PIGR: variants seen among roughly 807,000 people sequenced by gnomAD.
The protein encoded by PIGR is hepatocellular carcinoma associated protein TB6.
In PIGR, 22 loss-of-function variants were observed where a neutral mutation model predicts 69.5. That is an observed-to-expected ratio of 0.32 (90% CI 0.23 to 0.45). PIGR has a LOEUF of 0.45. PIGR is among the 20% of genes least tolerant of loss of function. The probability of loss-of-function intolerance (pLI) is 1.00; values close to 1 mark genes in which losing one functional copy is unlikely to be tolerated. For synonymous variants in PIGR, 413 were observed against 407.6 expected, an observed-to-expected ratio of 1.01 and a Z score of -0.16; for missense variants, 885 against 974.0, an observed-to-expected ratio of 0.91 and a Z score of 1.22.
chr1:206,936,674 C>T (rs565929881), intron 4 of PIGR, among the ~76,000 whole-genome samples: 133 of 152,154 alleles, frequency 8.7e-4, no homozygotes, highest in Middle Eastern at 3.4e-3. Context: ...CTCCTGGGAA[C>T]GCATTGAGAC....
In PIGR at chr1:206,930,267, A is replaced by T. The variant is rs1399938554; in HGVS notation, c.*51T>A. The stretch of plus-strand genomic sequence containing the variant: ...AGGAGCTGAGGGCCCCAGGATCGAC[A>T]TGATTCTGAAGGTGATTGTCATGGG... On this transcript the variant is annotated 3_prime_UTR_variant, in exon 11 of 11. Transcript: ENST00000356495. This position sits in a 1 kb window ranked among gnomAD's most constrained non-coding sequence, Gnocchi z 4.3. 19 of 1,513,988 alleles carry T rather than the reference A, an allele frequency of 1.3e-5. No individual in the cohort carries two copies. Among genetic ancestry groups the T allele is most frequent in the Non-Finnish European group, 1.7e-5 (19 of 1,113,352 alleles). The allele number at this position is 1,513,988 out of a possible 1,614,324, so 93.8% of individuals were successfully genotyped here. A position where few individuals can be genotyped will look rare whatever the true frequency, so the allele number is the denominator to read the frequency against.
In PIGR at chr1:206,939,058, A is replaced by G. The variant is rs576449328; in HGVS notation, c.388+61T>C. ...CAGGAAGTTCCTCCTCAAGCCCTCC[A>G]TGCACCTTAGAGAATTCCCTCTAAC... On this transcript the variant is annotated intron_variant, in intron 3 of 10. Transcript: ENST00000356495. The G allele has an allele frequency of 2.1e-5, 30 of 1,431,296 alleles. No homozygotes were observed. In the South Asian group the frequency reaches 3.3e-4, roughly 16 times the overall value. The allele number at this position is 1,431,296 out of a possible 1,614,324, so 88.7% of individuals were successfully genotyped here.
Position 206,932,980 on chromosome 1 carries a change from C to G in PIGR, c.1886+6G>C, listed in dbSNP as rs368353678. 1.2e-6 allele frequency: 2 copies of G among 1,613,906 alleles called. No individual in the cohort carries two copies. The highest frequency in any genetic ancestry group is 1.7e-6 in the Non-Finnish European group (2 of 1,179,948). On this transcript the variant is annotated splice_donor_region_variant and intron_variant, in intron 7 of 10. Coordinates refer to ENST00000356495, the MANE Select transcript of PIGR (RefSeq NM_002644.4). ...TCCGAGTGGGGAGCCTTGAATCCTT[C>G]CTTACCTGCCGGAATCCACAGATGC... is the stretch of plus-strand genomic sequence containing the variant.
intron 2 of PIGR, among the ~76,000 whole-genome samples, chr1:206,939,901 G>A (rs1336291782): frequency 4.6e-5 from 7 of 152,020 alleles, no homozygotes; most frequent in Admixed American, 4.6e-4. Flanking sequence ...TTTCTATTTA[G>A]TAGAGACAAG....
At position 206,937,337 on chromosome 1, in the gene PIGR, T is replaced by G; in HGVS notation, c.803A>C (p.Lys268Thr). Residue 268 changes from lysine to threonine, a missense_variant, in exon 4 of 11, where the codon AAA (lysine) becomes ACA (threonine). Coordinates refer to ENST00000356495, the MANE Select transcript of PIGR (RefSeq NM_002644.4). ...ALGPEVANVA[K>T]FLCRQSSGEN... The stretch of plus-strand genomic sequence containing the variant: ...CCCACTGCTCTGTCGGCACAGAAAT[T>G]TGGCCACGTTTGCCACCTCAGGGCC... The G allele has an allele frequency of 6.2e-7, 1 of 1,613,084 alleles. No homozygotes were observed. Among genetic ancestry groups the G allele is most frequent in the East Asian group, 2.2e-5 (1 of 44,832 alleles).
At chr1:206,931,884 A>G in intron 8 of PIGR, 82 bp from the exon 9 acceptor site, 2 of 1,507,212 alleles carry the variant, frequency 1.3e-6, no homozygotes, top group East Asian at 2.3e-5. Context: ...CTCTGGGCGG[A>G]TCCACTGTAG....
In PIGR at chr1:206,935,490, G is replaced by A. The variant is rs1679845125; in HGVS notation, c.1374C>T (p.Ile458=). The change falls in exon 5 of 11, where the codon ATC becomes ATT. Residue 458 remains isoleucine, a synonymous_variant. Transcript: ENST00000356495. This position sits in a 1 kb window ranked among gnomAD's most constrained non-coding sequence, Gnocchi z 4.4. ...TCCCTCCCTGTCAACTCCTACCTTC[G>A]ATAATCTTGATCTCCACGGTGGTCC... ...LWRTTVEIKI[I]EGEPNLKVPG... is the part of the protein sequence containing the mutation. 2.5e-6 allele frequency: 4 copies of A among 1,605,942 alleles called. No individual in the cohort carries two copies. Among genetic ancestry groups the A allele is most frequent in the South Asian group, 2.2e-5 (2 of 90,866 alleles).
Position 206,930,391 on chromosome 1 carries a change from A to T in PIGR, c.2222T>A (p.Met741Lys). The T allele has an allele frequency of 6.2e-7, 1 of 1,613,180 alleles. No homozygotes were observed. Among genetic ancestry groups the T allele is most frequent in the Non-Finnish European group, 8.5e-7 (1 of 1,179,574 alleles). Residue 741 changes from methionine to lysine, a missense_variant, in exon 11 of 11, where the codon ATG (methionine) becomes AAG (lysine). Physicochemically the swap from Met to Lys is moderately conservative, Grantham distance 95 (BLOSUM62 -1). Transcript: ENST00000356495. This position sits in a 1 kb window ranked among gnomAD's most constrained non-coding sequence, Gnocchi z 4.3. ...AKRSSKEEAEMAYKDFLLQSS... is the reference protein window; with the variant it reads ...AKRSSKEEAEKAYKDFLLQSS... Reference sequence around the variant, plus strand: ...CTGGAGCAGGAAGTCTTTGTAGGCCATCTCGGCTTCCTCCTTGGATGACTA... The same window carrying T: ...CTGGAGCAGGAAGTCTTTGTAGGCCTTCTCGGCTTCCTCCTTGGATGACTA...
Position 206,939,111 on chromosome 1 carries a change from A to C in PIGR, c.388+8T>G. ...TCCCCCAGAAGCCCAAGGAGCTTGG[A>C]TCCTTACCCTGGCTGACCTCCAGGC... is the stretch of plus-strand genomic sequence containing the variant. On this transcript the variant is annotated splice_region_variant and intron_variant, in intron 3 of 10. Coordinates refer to ENST00000356495, the MANE Select transcript of PIGR (RefSeq NM_002644.4). The C allele has an allele frequency of 6.3e-7, 1 of 1,597,192 alleles. No individual in the cohort carries two copies. The highest frequency in any genetic ancestry group is 8.6e-7 in the Non-Finnish European group (1 of 1,167,616).
Position 206,934,536 on chromosome 1 carries a change from G to A in PIGR, c.1589C>T (p.Thr530Ile), listed in dbSNP as rs764403976. 9.9e-6 allele frequency: 16 copies of A among 1,614,110 alleles called. No homozygotes were observed. The highest frequency in any genetic ancestry group is 1.6e-4 in the Middle Eastern group (1 of 6,084). The change falls in exon 6 of 11, where the codon ACC becomes ATC. Residue 530 changes from threonine to isoleucine, a missense_variant. Coordinates refer to ENST00000356495, the MANE Select transcript of PIGR (RefSeq NM_002644.4). ...CDENSRLVSL[T>I]LNLVTRADEG... ...ATCAGCCCTGGTCACCAGGTTCAGG[G>A]TCAGGGAGACAAGCCGGCTGTTCTC...
At chr1:206,931,285 C>G (rs973406777) in intron 10 of PIGR, 5 of 1,443,088 alleles carry the variant, frequency 3.5e-6, no homozygotes, top group Non-Finnish European at 2.7e-6. Context: ...TATAGCTCAC[C>G]TCCTTCCTGG....
At chr1:206,932,870 G>A in intron 7 of PIGR, 116 bp downstream of exon 7, 1 of 1,047,742 alleles carries the variant, frequency 9.5e-7, no homozygotes, top group African/African-American at 1.6e-5. Flanking sequence ...GAGGTAGTAA[G>A]GGCTGCCCCA....
At chr1:206,941,007 C>A (rs1001802544) in intron 1 of PIGR, among the ~76,000 whole-genome samples, 1 of 152,170 alleles carries the variant, frequency 6.6e-6, no homozygotes, top group Non-Finnish European at 1.5e-5. Flanking sequence ...ACATATTTCA[C>A]AGTGTGTTCA....
rs1679897035 is a variant in PIGR at position 206,937,828 on chromosome 1, T to G, written c.389-77A>C. ...TCTTGCAACATAGGACTATTTGCTATTCCTAGTTAGGGTGTGGGTGGACTT... is the reference window on the plus strand; with the variant it reads ...TCTTGCAACATAGGACTATTTGCTAGTCCTAGTTAGGGTGTGGGTGGACTT... On this transcript the variant is annotated intron_variant, in intron 3 of 10. Transcript: ENST00000356495. 15 of 1,328,822 alleles carry G rather than the reference T, an allele frequency of 1.1e-5. No individual in the cohort carries two copies. In the South Asian group the frequency reaches 1.9e-4, roughly 17 times the overall value. 82.3% of individuals were successfully genotyped at this position (1,328,822 alleles called of 1,614,324 possible).
intron 10 of PIGR, chr1:206,931,288 C>T: frequency 6.9e-7 from 1 of 1,444,644 alleles, no homozygotes; most frequent in Non-Finnish European, 9.1e-7. Context: ...AGCTCACCTC[C>T]TTCCTGGGCC....
At chr1:206,933,842 T>G (rs960122703) in intron 6 of PIGR, among the ~76,000 whole-genome samples, 3 of 151,940 alleles carry the variant, frequency 2.0e-5, no homozygotes, top group Admixed American at 6.6e-5. Flanking sequence ...GAGACTTCAA[T>G]CTGGGTTGAA....
At position 206,939,101 on chromosome 1, in the gene PIGR, A is replaced by G. The variant is rs745879709; in HGVS notation, c.388+18T>C. On this transcript the variant is annotated intron_variant, in intron 3 of 10. Coordinates refer to ENST00000356495, the MANE Select transcript of PIGR (RefSeq NM_002644.4). Reference sequence around the variant, plus strand: ...CCTCTAACTTTCCCCCAGAAGCCCAAGGAGCTTGGATCCTTACCCTGGCTG... The same window carrying G: ...CCTCTAACTTTCCCCCAGAAGCCCAGGGAGCTTGGATCCTTACCCTGGCTG... The G allele has an allele frequency of 6.3e-7, 1 of 1,583,012 alleles. No individual in the cohort carries two copies. The highest frequency in any genetic ancestry group is 2.3e-5 in the East Asian group (1 of 44,376).
rs750432942 is a variant in PIGR at position 206,931,684 on chromosome 1, G to A, written c.2127C>T (p.Leu709=). The part of the protein sequence containing the change: ...GASSITQETS[L]GGKEEFVATT... ...TGAGGGTCATACCTTCTTTTCCTCC[G>A]AGGGATGTCTCCTGAGTGATCGAAG... Residue 709 remains leucine (L), a synonymous_variant, in exon 9 of 11, where the codon CTC becomes CTT. Transcript: ENST00000356495. 16 of 1,613,966 alleles carry A rather than the reference G, an allele frequency of 9.9e-6. No homozygotes were observed. The highest frequency in any genetic ancestry group is 4.4e-5 in the South Asian group (4 of 91,084).
rs780909226 is a variant in PIGR, at chr1:206,933,186, G to T, written c.1706-20C>A. On this transcript the variant is annotated intron_variant, in intron 6 of 10. Transcript: ENST00000356495. The stretch of plus-strand genomic sequence containing the variant: ...GGGACCCTGCAGCAGGGAAGAGTGG[G>T]CCTGGGTTGTGATTTTTCTCTATGC... The T allele has an allele frequency of 1.8e-5, 29 of 1,611,578 alleles. No homozygotes were observed. Among genetic ancestry groups the T allele is most frequent in the Non-Finnish European group, 2.0e-5 (23 of 1,178,674 alleles).
Sources: gnomAD v4.1 joint callset for allele counts (sites outside exome capture counted in the v4.1 genomes callset) on GRCh38, gnomAD v4.1.1 for gene constraint, Gnocchi (gnomAD v3.1) non-coding constraint, MANE v1.5 for transcripts, NCBI Gene and HGNC (gene_info 2026-07-23, HGNC 2026-07-21) for gene names.